WDFY3: variants seen among roughly 807,000 people sequenced by gnomAD.
The protein encoded by WDFY3 is WD repeat and FYVE domain containing 3.
In WDFY3, 66 loss-of-function variants were observed where a neutral mutation model predicts 409.6. The observed-to-expected ratio is 0.16, with a 90% CI of 0.13 to 0.20. WDFY3 has a LOEUF of 0.20. Among genes scored for constraint, WDFY3 ranks in the 10% least tolerant of loss-of-function variants. WDFY3 has a pLI of 1.00. For synonymous variants in WDFY3, 1,521 were observed against 1,537.1 expected (o/e 0.99, Z 0.25); for missense variants, 3,031 against 4,298.1 (o/e 0.71, Z 8.24).
At chr4:84,959,944 T>G (rs1179040366) in intron 1 of WDFY3, among the ~76,000 whole-genome samples, 3 of 152,230 alleles carry the variant, frequency 2.0e-5, no homozygotes, top group African/African-American at 7.2e-5. Context: ...ATATTAACGC[T>G]TCTTACAAGA....
chr4:84,956,440 C>G (rs1774247571), intron 1 of WDFY3, among the ~76,000 whole-genome samples: 2 of 152,174 alleles, frequency 1.3e-5, no homozygotes, highest in South Asian at 4.1e-4. Context: ...TCTCTACTGG[C>G]AAGGGAAGAA....
chr4:84,747,828 C>T (rs1159367228), intron 36 of WDFY3, among the ~76,000 whole-genome samples: 1 of 152,116 alleles, frequency 6.6e-6, no homozygotes, highest in East Asian at 1.9e-4. Context: ...TTTCCTGAGG[C>T]ATCCCCAGCC....
intron 1 of WDFY3, among the ~76,000 whole-genome samples, chr4:84,949,947 G>A (rs1212931438): frequency 6.6e-6 from 1 of 152,142 alleles, no homozygotes; most frequent in Non-Finnish European, 1.5e-5. Context: ...GATGCTGTTC[G>A]CGTATGTTTA....
chr4:84,825,229 T>C (rs1027031065), intron 10 of WDFY3, among the ~76,000 whole-genome samples: 2 of 152,032 alleles, frequency 1.3e-5, no homozygotes, highest in Non-Finnish European at 2.9e-5. Context: ...ATAAACCAAA[T>C]GAAACAACAA....
chr4:84,772,974 T>C lies in WDFY3; in HGVS notation c.4755-45A>G. 6.9e-6 allele frequency: 10 copies of C among 1,453,192 alleles called. No homozygotes were observed. The East Asian group carries it at 2.5e-4, about 36-fold the overall frequency. 90.0% of individuals were successfully genotyped at this position (1,453,192 alleles called of 1,614,324 possible). A position where few individuals can be genotyped will look rare whatever the true frequency, so the allele number is the denominator to read the frequency against. On this transcript the variant is annotated intron_variant, in intron 29 of 67. Coordinates refer to ENST00000295888, the MANE Select transcript of WDFY3 (RefSeq NM_014991.6). ...AGATTATGGATTTTCTTTTTCCTCTTCCCAAAACAAACAACAAAGTACAAA... is the reference window on the plus strand; with the variant it reads ...AGATTATGGATTTTCTTTTTCCTCTCCCCAAAACAAACAACAAAGTACAAA...
At chr4:84,958,217 T>A (rs1774482069) in intron 1 of WDFY3, among the ~76,000 whole-genome samples, 1 of 152,188 alleles carries the variant, frequency 6.6e-6, no homozygotes, top group South Asian at 2.1e-4. Context: ...ATTTACCAAG[T>A]ATTTACTGAG....
chr4:84,792,440 G>A (rs142919691), intron 21 of WDFY3, among the ~76,000 whole-genome samples: 53 of 152,314 alleles, frequency 3.5e-4, no homozygotes, highest in African/African-American at 1.3e-3. Flanking sequence ...AAGTATTGAA[G>A]AAGATATTCC....
chr4:84,837,153 A>C, intron 6 of WDFY3, 63 bp from the exon 7 acceptor site: 1 of 1,328,644 alleles, frequency 7.5e-7, no homozygotes, highest in Non-Finnish European at 9.8e-7. Context: ...ACAGCCAAAT[A>C]ATTCACAAAT....
At position 84,717,124 on chromosome 4, in the gene WDFY3, T is replaced by C. The variant is rs902379393; in HGVS notation, c.7755-108A>G. On this transcript the variant is annotated intron_variant, in intron 48 of 67. Coordinates refer to ENST00000295888, the MANE Select transcript of WDFY3 (RefSeq NM_014991.6). The stretch of plus-strand genomic sequence containing the variant: ...ACACATGAACAGGATGGAGGAGTAA[T>C]ATATATCAGAATTTTCAGTTAAAAA... The C allele has an allele frequency of 5.0e-6, 6 of 1,209,920 alleles. No homozygotes were observed. In the African/African-American group the frequency reaches 6.2e-5, roughly 13 times the overall value. The allele number at this position is 1,209,920 out of a possible 1,614,324, so 74.9% of individuals were successfully genotyped here. A position where few individuals can be genotyped will look rare whatever the true frequency, so the allele number is the denominator to read the frequency against.
intron 67 of WDFY3, among the ~76,000 whole-genome samples, chr4:84,674,940 C>T (rs377032377): frequency 1.9e-4 from 28 of 151,102 alleles, no homozygotes; most frequent in Non-Finnish European, 4.0e-4. Context: ...AAGGCCTGCT[C>T]TATAAAACCC....
At chr4:84,795,696 A>T (rs1462602258) in intron 19 of WDFY3, among the ~76,000 whole-genome samples, 2 of 151,260 alleles carry the variant, frequency 1.3e-5, no homozygotes, top group African/African-American at 4.8e-5. Flanking sequence ...TGAGAGGCGG[A>T]GGTTGCAGTG....
intron 13 of WDFY3, among the ~76,000 whole-genome samples, chr4:84,811,310 T>TA (rs1206251874): frequency 6.6e-6 from 1 of 152,290 alleles, no homozygotes; most frequent in East Asian, 1.9e-4. Context: ...CTTATGATTT[T>TA]AAAAAACACA....
chr4:84,789,292 C>T (rs1748071317), intron 22 of WDFY3, among the ~76,000 whole-genome samples: 1 of 151,914 alleles, frequency 6.6e-6, no homozygotes, highest in African/African-American at 2.4e-5. Context: ...TTATCAGGGA[C>T]TAATCTGGGT....
intron 1 of WDFY3, among the ~76,000 whole-genome samples, chr4:84,943,394 C>T (rs1444160228): frequency 1.3e-5 from 2 of 152,014 alleles, no homozygotes; most frequent in Non-Finnish European, 2.9e-5. Flanking sequence ...GTCCCAGCTA[C>T]TCAGGAGGCT....
intron 12 of WDFY3, among the ~76,000 whole-genome samples, chr4:84,819,322 C>A (rs1753743567): frequency 6.6e-6 from 1 of 151,918 alleles, no homozygotes; most frequent in African/African-American, 2.4e-5. Context: ...TGCATTCAGG[C>A]AAACAGTCAT....
At chr4:84,691,843 T>C (rs1729317327) in intron 59 of WDFY3, 58 bp from the exon 60 acceptor site, 39 of 1,449,444 alleles carry the variant, frequency 2.7e-5, no homozygotes, top group Non-Finnish European at 3.6e-5. Context: ...TGTCATTATC[T>C]CATAGAGCAT....
chr4:84,757,047 T>C lies in WDFY3; in HGVS notation c.5303A>G (p.Asn1768Ser). The change falls in exon 33 of 68, where the codon AAT (asparagine) becomes AGT (serine). Residue 1768 changes from asparagine (N) to serine (S), a missense_variant. Coordinates refer to ENST00000295888, the MANE Select transcript of WDFY3 (RefSeq NM_014991.6). The stretch of plus-strand genomic sequence containing the variant: ...GAGGAGAAAATAGAGGGCAGGGACA[T>C]TAGTGTGTTTAGGAAGGAATGACTG... ...VLQSFLPKHT[N>S]VPALYFLLMA... is the part of the protein sequence containing the mutation. The C allele has an allele frequency of 6.2e-7, 1 of 1,613,876 alleles. No homozygotes were observed. Among genetic ancestry groups the C allele is most frequent in the Non-Finnish European group, 8.5e-7 (1 of 1,179,918 alleles).
intron 40 of WDFY3, among the ~76,000 whole-genome samples, chr4:84,738,600 T>TAA (rs745331961): frequency 2.4e-5 from 3 of 127,080 alleles, no homozygotes; most frequent in Non-Finnish European, 3.4e-5. Context: ...AGATTTTGTT[T>TAA]AAAAAAAAAA....
intron 51 of WDFY3, among the ~76,000 whole-genome samples, chr4:84,710,080 A>G (rs1241538383): frequency 6.6e-6 from 1 of 152,070 alleles, no homozygotes; most frequent in East Asian, 1.9e-4. Flanking sequence ...GGGTCTTGGT[A>G]TGTTGCCCAG....
Sources: gnomAD v4.1 joint callset for allele counts (sites outside exome capture counted in the v4.1 genomes callset) on GRCh38, gnomAD v4.1.1 for gene constraint, MANE v1.5 for transcripts, NCBI Gene and HGNC (gene_info 2026-07-23, HGNC 2026-07-21) for gene names.